The following ANTXR2 variants were observed in gnomAD, a reference collection of about 807,000 sequenced individuals.
The protein encoded by ANTXR2 is anthrax toxin receptor 2.
In ANTXR2, 44 loss-of-function variants were observed where a neutral mutation model predicts 73.7. The observed-to-expected ratio is 0.60, with a 90% CI of 0.47 to 0.77. ANTXR2 has a LOEUF of 0.77. Among genes scored for constraint, ANTXR2 ranks in the 30% least tolerant of loss-of-function variants. The probability of loss-of-function intolerance (pLI) is 0.00; values close to 1 mark genes in which losing one functional copy is unlikely to be tolerated. For missense variants in ANTXR2, 604 were observed against 592.5 expected (o/e 1.02, Z -0.20); for synonymous variants, 217 against 205.9 (o/e 1.05, Z -0.46).
intron 16 of ANTXR2, among the ~76,000 whole-genome samples, chr4:79,937,777 G>A (rs1436916391): frequency 7.3e-5 from 11 of 151,540 alleles, no homozygotes; most frequent in African/African-American, 2.4e-4. Flanking sequence ...CGTGAGCGAC[G>A]CAGAAGACGG....
intron 14 of ANTXR2, among the ~76,000 whole-genome samples, chr4:79,979,030 GA>G (rs1214184603): frequency 1.3e-5 from 2 of 152,070 alleles, no homozygotes; most frequent in African/African-American, 4.8e-5. Flanking sequence ...AGACTGCTTT[GA>G]AAAGAAAAGT....
chr4:80,064,213 G>A (rs1040210872), intron 3 of ANTXR2, among the ~76,000 whole-genome samples: 1 of 152,034 alleles, frequency 6.6e-6, no homozygotes, highest in African/African-American at 2.4e-5. Context: ...ATTGTGCTCA[G>A]GTCAAACAAT....
intron 7 of ANTXR2, among the ~76,000 whole-genome samples, chr4:80,053,867 C>T (rs1486487489): frequency 1.3e-5 from 2 of 151,684 alleles, no homozygotes; most frequent in African/African-American, 4.8e-5. Flanking sequence ...TTCAAGTTGC[C>T]TGACTGATAT....
At chr4:79,943,616 G>T (rs1728397217) in intron 16 of ANTXR2, among the ~76,000 whole-genome samples, 1 of 107,100 alleles carries the variant, frequency 9.3e-6, no homozygotes, top group Admixed American at 9.4e-5. Flanking sequence ...GGATAGCATT[G>T]GGAGATATAC....
At chr4:80,008,125 G>C (rs1415725221) in intron 12 of ANTXR2, among the ~76,000 whole-genome samples, 1 of 152,042 alleles carries the variant, frequency 6.6e-6, no homozygotes, top group Admixed American at 6.6e-5. Context: ...TGAAATGGTA[G>C]ACCCTTCAAA....
chr4:79,945,432 A>G (rs544229818), intron 16 of ANTXR2, among the ~76,000 whole-genome samples: 1 of 152,264 alleles, frequency 6.6e-6, no homozygotes, highest in South Asian at 2.1e-4. Flanking sequence ...ATCAATGGCT[A>G]AAATAGTTCT....
chr4:80,039,243 A>T (rs1037630029), intron 7 of ANTXR2, among the ~76,000 whole-genome samples: 2 of 152,108 alleles, frequency 1.3e-5, no homozygotes, highest in Non-Finnish European at 2.9e-5. Context: ...GAAGAGTAAG[A>T]AGAGAATTTA....
chr4:79,926,494 A>T (rs1160202727), intron 16 of ANTXR2, among the ~76,000 whole-genome samples: 7 of 152,152 alleles, frequency 4.6e-5, no homozygotes, highest in Non-Finnish European at 5.9e-5. Context: ...ATCTGATTTT[A>T]AGCTTAGAAA....
chr4:79,932,112 T>C (rs1728082084), intron 16 of ANTXR2, among the ~76,000 whole-genome samples: 1 of 152,204 alleles, frequency 6.6e-6, no homozygotes, highest in African/African-American at 2.4e-5. Flanking sequence ...AGACTTGATA[T>C]ATCTTGTTCA....
intron 12 of ANTXR2, among the ~76,000 whole-genome samples, chr4:80,005,000 C>T (rs780785761): frequency 2.0e-5 from 3 of 152,004 alleles, no homozygotes; most frequent in Non-Finnish European, 4.4e-5. Flanking sequence ...TCATCACTGA[C>T]TCATTGATTA....
intron 12 of ANTXR2, among the ~76,000 whole-genome samples, chr4:79,985,838 C>CTTTTTTTT (rs572381265): frequency 9.0e-6 from 1 of 111,688 alleles, no homozygotes; most frequent in Non-Finnish European, 1.8e-5. Context: ...ACAGTTAATT[C>CTTTTTTTT]TTTTTTTTTT....
At chr4:79,933,292 A>C (rs561098904) in intron 16 of ANTXR2, among the ~76,000 whole-genome samples, 2 of 152,348 alleles carry the variant, frequency 1.3e-5, no homozygotes, top group East Asian at 1.9e-4. Context: ...CTGTTCAAAA[A>C]ACAGGTTCAC....
At chr4:79,911,499 T>C (rs1727135793) in intron 16 of ANTXR2, among the ~76,000 whole-genome samples, 1 of 151,826 alleles carries the variant, frequency 6.6e-6, no homozygotes. Flanking sequence ...ATTTTAATAT[T>C]TTATTCTCTA....
chr4:79,981,613 A>T (rs1380527585), intron 14 of ANTXR2, among the ~76,000 whole-genome samples: 2 of 152,146 alleles, frequency 1.3e-5, no homozygotes, highest in East Asian at 3.8e-4. Context: ...TATCATATTA[A>T]GTATGTGCAA....
rs1427929172 is a variant in ANTXR2, at chr4:80,016,332, CA to C, written c.945+2565del. On this transcript the variant is annotated intron_variant, in intron 11 of 16. Coordinates refer to ENST00000403729, the MANE Select transcript of ANTXR2 (RefSeq NM_058172.6). ...CCTCTCAATTTCGTCAACACATCCC[CA>C]CCCTGTTTGCTCTTTCTCTATAATA... is the stretch of plus-strand genomic sequence containing the variant. Among the ~76,000 whole-genome samples the C allele has an allele frequency of 1.9e-3, 296 of 152,164 alleles. 3 individuals carry two copies. The highest frequency in any genetic ancestry group is 6.7e-3 in the African/African-American group (279 of 41,506).
At chr4:79,932,652 C>A (rs1023800378) in intron 16 of ANTXR2, among the ~76,000 whole-genome samples, 1 of 151,690 alleles carries the variant, frequency 6.6e-6, no homozygotes, top group Non-Finnish European at 1.5e-5. Flanking sequence ...ATTAGATGGG[C>A]ATGATGGCGG....
At chr4:80,046,368 C>T (rs1431324903) in intron 7 of ANTXR2, among the ~76,000 whole-genome samples, 1 of 151,632 alleles carries the variant, frequency 6.6e-6, no homozygotes, top group African/African-American at 2.4e-5. Context: ...TTTGGTTTTG[C>T]TGTTGTCGTT....
rs534162283 is a variant in ANTXR2 at position 79,937,204 on chromosome 4, C to T, written c.1429-29737G>A. 1.1e-3 allele frequency among the ~76,000 whole-genome samples: 164 copies of T among 152,206 alleles called. 2 individuals are homozygous for T. Among genetic ancestry groups the T allele is most frequent in the African/African-American group, 3.9e-3 (162 of 41,540 alleles). The stretch of plus-strand genomic sequence containing the variant: ...AAAAACCAGGTGCCTATTTCATATT[C>T]TTAATGAAGCAATTGCTAGCAATAG... On this transcript the variant is annotated intron_variant, in intron 16 of 16. Transcript: ENST00000403729.
intron 12 of ANTXR2, among the ~76,000 whole-genome samples, chr4:79,991,644 C>T (rs762450282): frequency 2.6e-5 from 4 of 151,916 alleles, no homozygotes; most frequent in Non-Finnish European, 4.4e-5. Context: ...CAAAGACATA[C>T]GCACTTGTAT....
Sources: allele counts gnomAD v4.1 joint callset (sites outside exome capture counted in the v4.1 genomes callset), GRCh38; gene constraint gnomAD v4.1.1; transcripts MANE v1.5; gene names NCBI Gene and HGNC (gene_info 2026-07-23, HGNC 2026-07-21).